Variants in ZNF574 observed in about 807,000 individuals in gnomAD.
ZNF574 encodes zinc finger protein 574.
Under a neutral mutation model 56.6 loss-of-function variants are expected in ZNF574, and 25 were observed. The observed-to-expected ratio is 0.44, with a 90% CI of 0.32 to 0.62. The LOEUF (loss-of-function observed/expected upper bound fraction) is 0.62. Ranked by LOEUF, ZNF574 falls within the 20% of genes least tolerant of loss-of-function variation. The pLI is 0.04. For synonymous variants in ZNF574, 543 were observed against 492.1 expected (o/e 1.10, Z -1.37); for missense variants, 1,065 against 1,218.9 (o/e 0.87, Z 1.88).
At chr19:42,068,804 G>C in exon 1 of ZNF574, 2 of 598,908 alleles carry the variant, frequency 3.3e-6, no homozygotes, top group Non-Finnish European at 6.1e-6. Flanking sequence ...GCTCAAAAGC[G>C]GAAAGACATA....
chr19:42,076,748 G>A (rs2146210823), intron 1 of ZNF574, among the ~76,000 whole-genome samples: 1 of 152,288 alleles, frequency 6.6e-6, no homozygotes, highest in East Asian at 1.9e-4. Flanking sequence ...AGTTCTTCCT[G>A]GAAAGAATTG....
In ZNF574 at chr19:42,079,264, T is replaced by C; in HGVS notation, c.658T>C (p.Ser220Pro). Residue 220 changes from serine (S) to proline (P), a missense_variant, in exon 2 of 2, where the codon TCC becomes CCC. Ser to Pro is a moderately conservative substitution (Grantham distance 74). Coordinates refer to ENST00000359044, the MANE Select transcript of ZNF574 (RefSeq NM_022752.6). This position sits in a 1 kb window ranked among gnomAD's most constrained non-coding sequence, Gnocchi z 4.3. ...GCTCCTCTACAAGTGCTCTGAGTGCTCCCAGCTCTTCCAGCTGCCGGCGGA... is the reference window on the plus strand; with the variant it reads ...GCTCCTCTACAAGTGCTCTGAGTGCCCCCAGCTCTTCCAGCTGCCGGCGGA... ...ELLLYKCSEC[S>P]QLFQLPADFL... The C allele has an allele frequency of 6.2e-7, 1 of 1,614,054 alleles. No individual in the cohort carries two copies. Among genetic ancestry groups the C allele is most frequent in the Non-Finnish European group, 8.5e-7 (1 of 1,179,994 alleles).
At chr19:42,071,994 ACTCCAT>A, upstream of ZNF574, among the ~76,000 whole-genome samples, 1 of 148,994 alleles carries the variant, frequency 6.7e-6, no homozygotes, top group East Asian at 2.0e-4. Context: ...ACAAAGCGAG[ACTCCAT>A]CTCCAAAAAA....
rs200187508 is a variant in ZNF574, at chr19:42,080,399, G to A, written c.1793G>A (p.Arg598His). 2.7e-5 allele frequency: 43 copies of A among 1,614,102 alleles called. 1 individual carries two copies. The highest frequency in any genetic ancestry group is 1.3e-4 in the Admixed American group (8 of 60,008). Residue 598 changes from arginine to histidine, a missense_variant, in exon 2 of 2, where the codon CGC becomes CAC. Arg to His is a conservative substitution (Grantham distance 29). Transcript: ENST00000359044. This position sits in a 1 kb window ranked among gnomAD's most constrained non-coding sequence, Gnocchi z 8.5. Reference protein sequence around the residue: ...FHRPYRLLMHRYHHTGEYPYK... With the variant: ...FHRPYRLLMHHYHHTGEYPYK... ...CGTCCTTACCGCCTGCTCATGCACCGCTACCATCACACAGGTGAATACCCC... is the reference window on the plus strand; with the variant it reads ...CGTCCTTACCGCCTGCTCATGCACCACTACCATCACACAGGTGAATACCCC...
intron 1 of ZNF574, among the ~76,000 whole-genome samples, chr19:42,076,542 G>A (rs1202805412): frequency 2.0e-5 from 3 of 152,078 alleles, no homozygotes; most frequent in African/African-American, 7.2e-5. Flanking sequence ...GCTTTGGTGG[G>A]GCACCTGGGC....
chr19:42,081,271 G>A lies in ZNF574; in HGVS notation c.2665G>A (p.Ala889Thr). The change falls in exon 2 of 2, where the codon GCT becomes ACT. Residue 889 changes from alanine to threonine, a missense_variant. Ala to Thr is a moderately conservative substitution (Grantham distance 58, BLOSUM62 0). Transcript: ENST00000359044. ...EAIEIYPLAE[A>T]EGVQISG ...CATTGAGATCTACCCTCTGGCCGAG[G>A]CTGAGGGGGTCCAGATCAGTGGCTG... is the stretch of plus-strand genomic sequence containing the variant. 6.2e-7 allele frequency: 1 copy of A among 1,614,126 alleles called. No homozygotes were observed. The highest frequency in any genetic ancestry group is 1.1e-5 in the South Asian group (1 of 91,082).
Position 42,079,483 on chromosome 19 carries a change from G to T in ZNF574, c.877G>T (p.Ala293Ser), listed in dbSNP as rs2076480307. ...TGGGCGGGATCGCCGGGGGCGCAGG[G>T]CCCGGAGGAACAACAGTGGAGAAGC... ...AIGRDRRGRR[A>S]RRNNSGEAGG... The change falls in exon 2 of 2, where the codon GCC (alanine) becomes TCC (serine). Residue 293 changes from alanine to serine, a missense_variant. By Grantham distance (99) the Ala-to-Ser change is moderately conservative. Coordinates refer to ENST00000359044, the MANE Select transcript of ZNF574 (RefSeq NM_022752.6). This position sits in a 1 kb window ranked among gnomAD's most constrained non-coding sequence, Gnocchi z 4.3. The T allele has an allele frequency of 1.9e-6, 3 of 1,613,664 alleles. No homozygotes were observed. Among genetic ancestry groups the T allele is most frequent in the African/African-American group, 2.7e-5 (2 of 75,070 alleles).
Position 42,078,677 on chromosome 19 carries a change from T to A in ZNF574, c.71T>A (p.Leu24Gln). The A allele has an allele frequency of 1.2e-6, 2 of 1,614,096 alleles. No homozygotes were observed. Among genetic ancestry groups the A allele is most frequent in the Non-Finnish European group, 8.5e-7 (1 of 1,179,978 alleles). The change falls in exon 2 of 2, where the codon CTG becomes CAG. Residue 24 changes from leucine (L) to glutamine (Q), a missense_variant. By Grantham distance (113) the Leu-to-Gln change is moderately radical. Transcript: ENST00000359044. The part of the protein sequence containing the change: ...HRYVCSECNQ[L>Q]YGSLEEVLMH... ...TATGTCTGCTCTGAGTGCAACCAGC[T>A]GTATGGATCACTGGAAGAGGTGCTT...
rs745728338 is a variant in ZNF574 at position 42,079,500 on chromosome 19, T to C, written c.894T>C (p.Ser298=). 1 of 1,613,800 alleles carries C rather than the reference T, an allele frequency of 6.2e-7. No homozygotes were observed. The highest frequency in any genetic ancestry group is 1.3e-5 in the African/African-American group (1 of 75,028). The change falls in exon 2 of 2, where the codon AGT becomes AGC. Residue 298 remains serine, a synonymous_variant. Transcript: ENST00000359044. The surrounding 1 kb of genome is among the most constrained non-coding windows in gnomAD (Gnocchi z 4.3). The stretch of plus-strand genomic sequence containing the variant: ...GGCGCAGGGCCCGGAGGAACAACAG[T>C]GGAGAAGCAGGCGGGGCAGCCACAC... ...RRGRRARRNN[S]GEAGGAATQE...
intron 1 of ZNF574, 125 bp from the exon 2 acceptor site, chr19:42,078,462 T>C: frequency 1.2e-6 from 1 of 855,700 alleles, no homozygotes; most frequent in Admixed American, 2.4e-5. Flanking sequence ...GGAGGCAGAA[T>C]TTTAAAAATC....
In ZNF574 at chr19:42,068,691, G is replaced by C. The variant is rs554377524; in HGVS notation, c.-21G>C. On this transcript the variant is annotated 5_prime_UTR_variant, in exon 1 of 2. Transcript: ENST00000222339. ...GCCAGGGTGGAGGAGTTCTGACAGA[G>C]AGAGGGATCTAAACAGAGACATGCC... 10 of 446,622 alleles carry C rather than the reference G, an allele frequency of 2.2e-5. No individual in the cohort carries two copies. The Admixed American group carries it at 4.2e-4, about 19-fold the overall frequency. The allele number at this position is 446,622 out of a possible 1,614,324, so 27.7% of individuals were successfully genotyped here.
At position 42,080,161 on chromosome 19, in the gene ZNF574, G is replaced by A; in HGVS notation, c.1555G>A (p.Gly519Arg). 6.2e-7 allele frequency: 1 copy of A among 1,613,992 alleles called. No individual in the cohort carries two copies. Among genetic ancestry groups the A allele is most frequent in the Non-Finnish European group, 8.5e-7 (1 of 1,180,014 alleles). Residue 519 changes from glycine (G) to arginine (R), a missense_variant, in exon 2 of 2, where the codon GGG becomes AGG. Coordinates refer to ENST00000359044, the MANE Select transcript of ZNF574 (RefSeq NM_022752.6). The surrounding 1 kb of genome is among the most constrained non-coding windows in gnomAD (Gnocchi z 8.5). ...HVRNHLRTHT[G>R]ERPFPCPDCS... is the part of the protein sequence containing the mutation. The stretch of plus-strand genomic sequence containing the variant: ...GCGTAACCACCTGCGCACACACACA[G>A]GGGAGCGGCCCTTCCCCTGCCCTGA...
Position 42,080,450 on chromosome 19 carries a change from CCTT to C in ZNF574, c.1848_1850del (p.Phe616del). 2.5e-6 allele frequency: 4 copies of C among 1,614,238 alleles called. No individual in the cohort carries two copies. The highest frequency in any genetic ancestry group is 2.2e-5 in the East Asian group (1 of 44,884). ...TACAAGTGTCGCGAGTGCCCCCGCT[CCTT>C]CTTGCTGCGTCGGCTGCTGGAGGTG... On this transcript the variant is annotated inframe_deletion, in exon 2 of 2. Transcript: ENST00000359044. This position sits in a 1 kb window ranked among gnomAD's most constrained non-coding sequence, Gnocchi z 8.5.
At chr19:42,073,868 G>A (rs2076440666), upstream of ZNF574, among the ~76,000 whole-genome samples, 1 of 143,870 alleles carries the variant, frequency 7.0e-6, no homozygotes, top group East Asian at 2.1e-4. Flanking sequence ...AGTGGCTCAC[G>A]CCTGTAATCC....
intron 1 of ZNF574, among the ~76,000 whole-genome samples, chr19:42,077,550 G>A (rs2076464601): frequency 6.6e-6 from 1 of 152,066 alleles, no homozygotes; most frequent in African/African-American, 2.4e-5. Context: ...ATGAGGGTAT[G>A]GGCATCCCTG....
chr19:42,068,911 C>G (rs960929630), exon 1 of ZNF574: 1 of 680,386 alleles, frequency 1.5e-6, no homozygotes, highest in Non-Finnish European at 2.7e-6. Flanking sequence ...AGTCTGGGAC[C>G]AGGACGGAGG....
chr19:42,069,119 G>C, intron 1 of ZNF574: 1 of 423,976 alleles, frequency 2.4e-6, no homozygotes, highest in East Asian at 3.5e-5. Context: ...GGCCCCTAGT[G>C]GGGGAGGGTA....
In ZNF574 at chr19:42,081,434, C is replaced by G. The variant is rs1251476362; in HGVS notation, c.*137C>G. 8.3e-7 allele frequency: 1 copy of G among 1,206,876 alleles called. No homozygotes were observed. The highest frequency in any genetic ancestry group is 1.2e-6 in the Non-Finnish European group (1 of 834,666). 74.8% of individuals were successfully genotyped at this position (1,206,876 alleles called of 1,614,324 possible). On this transcript the variant is annotated 3_prime_UTR_variant, in exon 2 of 2. Coordinates refer to ENST00000359044, the MANE Select transcript of ZNF574 (RefSeq NM_022752.6). ...TTGTAAGTTCTAAATTGGATTTATTCTCTCGTGAGGGGGGTGCTCTGGGGT... is the reference window on the plus strand; with the variant it reads ...TTGTAAGTTCTAAATTGGATTTATTGTCTCGTGAGGGGGGTGCTCTGGGGT...
At chr19:42,073,814 CAAAAAAAAAAAA>C (rs577928373), upstream of ZNF574, among the ~76,000 whole-genome samples, 157 of 32,068 alleles carry the variant, frequency 4.9e-3, 2 homozygotes, top group African/African-American at 0.018. Context: ...TAGACTGTCT[CAAAAAAAAAAAA>C]AAAAAAAAAA....
Sources: allele counts gnomAD v4.1 joint callset (sites outside exome capture counted in the v4.1 genomes callset), GRCh38; gene constraint gnomAD v4.1.1; non-coding constraint Gnocchi (gnomAD v3.1); transcripts MANE v1.5; gene names NCBI Gene and HGNC (gene_info 2026-07-23, HGNC 2026-07-21).